KCNN1: variants seen among roughly 807,000 people sequenced by gnomAD.
The protein encoded by KCNN1 is potassium calcium-activated channel subfamily N member 1.
In KCNN1, 20 loss-of-function variants were observed where a neutral mutation model predicts 44.7. The observed-to-expected ratio is 0.45, with a 90% CI of 0.32 to 0.65. KCNN1 has a LOEUF of 0.65. Ranked by LOEUF, KCNN1 falls within the 30% of genes least tolerant of loss-of-function variation. KCNN1 has a pLI of 0.05. For synonymous variants in KCNN1, 324 were observed against 341.7 expected (o/e 0.95, Z 0.57); for missense variants, 632 against 785.3 (o/e 0.80, Z 2.33).
intron 2 of KCNN1, among the ~76,000 whole-genome samples, chr19:17,958,480 CTT>C (rs71164331): frequency 5.0e-4 from 50 of 99,548 alleles, no homozygotes; most frequent in East Asian, 7.1e-4. Context: ...GACCCTGTCT[CTT>C]TTTTTTTTTT....
At chr19:17,958,504 G>A (rs1346506019) in intron 2 of KCNN1, among the ~76,000 whole-genome samples, 1 of 34,582 alleles carries the variant, frequency 2.9e-5, no homozygotes, top group Non-Finnish European at 6.1e-5. Context: ...TTTTTTTTTT[G>A]ATACAGGGTC....
In KCNN1 at chr19:17,993,471, CA is replaced by C. The variant is rs1568460479; in HGVS notation, c.1308-17del. ...CGGGAACCTGCCTAACCCCCTCCCC[CA>C]ACCCCGTGTCCCCACAGGCTCCGGA... On this transcript the variant is annotated intron_variant, in intron 8 of 9. Coordinates refer to ENST00000684775, the MANE Select transcript of KCNN1 (RefSeq NM_001386974.1). This position sits in a 1 kb window ranked among gnomAD's most constrained non-coding sequence, Gnocchi z 4.5. 1 of 1,608,668 alleles carries C rather than the reference CA, an allele frequency of 6.2e-7. No homozygotes were observed.
At chr19:17,981,660 C>T (rs780481932) in intron 3 of KCNN1, 49 bp from the exon 4 acceptor site, 9 of 1,508,010 alleles carry the variant, frequency 6.0e-6, no homozygotes, top group East Asian at 2.4e-5. Flanking sequence ...GGGCAGGGAG[C>T]GCGGCGCGTG....
intron 7 of KCNN1, among the ~76,000 whole-genome samples, chr19:17,992,225 A>G (rs2032818912): frequency 6.6e-6 from 1 of 151,884 alleles, no homozygotes; most frequent in African/African-American, 2.4e-5. Flanking sequence ...CGGAAGGCTG[A>G]GGCAGGAGAA....
chr19:17,989,716 G>A lies in KCNN1; in HGVS notation c.1171G>A (p.Val391Ile). ...FMMDTQLTKR[V>I]KNAAANVLRE... ...GGAATTGTTCTTTTTCTGGCCCCAG[G>A]TAAAAAACGCCGCTGCTAACGTTCT... Residue 391 changes from valine (V) to isoleucine (I), a missense_variant and splice_region_variant, in exon 7 of 10, where the codon GTA becomes ATA. Val to Ile is a conservative substitution (Grantham distance 29). This residue lies in a region of KCNN1 where 237 missense variants were observed against 253.0 expected (regional missense o/e 0.94). Transcript: ENST00000684775. The A allele has an allele frequency of 6.2e-7, 1 of 1,613,264 alleles. No homozygotes were observed. Among genetic ancestry groups the A allele is most frequent in the South Asian group, 1.1e-5 (1 of 91,064 alleles).
intron 1 of KCNN1, among the ~76,000 whole-genome samples, chr19:17,973,336 A>G (rs1452480504): frequency 6.6e-6 from 1 of 152,096 alleles, no homozygotes; most frequent in East Asian, 1.9e-4. Flanking sequence ...GCTGGAGTGC[A>G]ATGGCATGAT....
At position 17,970,289 on chromosome 19, in the gene KCNN1, ATTTTTTTTTTTTTTTT is replaced by A. The variant is rs71164333; in HGVS notation, c.-82+3002_-82+3017del. Among the ~76,000 whole-genome samples the A allele has an allele frequency of 7.5e-3, 425 of 56,746 alleles. 2 individuals are homozygous for A. The highest frequency in any genetic ancestry group is 0.02 in the African/African-American group (269 of 13,480). 37.2% of individuals were successfully genotyped at this position (56,746 alleles called of 152,430 possible). A position where few individuals can be genotyped will look rare whatever the true frequency, so the allele number is the denominator to read the frequency against. On this transcript the variant is annotated intron_variant, in intron 1 of 9. Transcript: ENST00000684775. ...AGGTCACCTGACCATAGAAGGAATG[ATTTTTTTTTTTTTTTT>A]TTTTTTTTTTTTTTTTTTTTTTTTT...
At chr19:17,978,793 G>A (rs139009878) in intron 3 of KCNN1, among the ~76,000 whole-genome samples, 113 of 149,802 alleles carry the variant, frequency 7.5e-4, no homozygotes, top group African/African-American at 2.4e-3. Context: ...AGTGACTCAC[G>A]CCTGTAATCC....
In KCNN1 at chr19:17,989,748, G is replaced by A; in HGVS notation, c.1203G>A (p.Glu401=). The A allele has an allele frequency of 6.2e-7, 1 of 1,613,970 alleles. No homozygotes were observed. The highest frequency in any genetic ancestry group is 8.5e-7 in the Non-Finnish European group (1 of 1,179,886). ...VKNAAANVLR[E]TWLIYKHTRL... Reference sequence around the variant, plus strand: ...ACGCCGCTGCTAACGTTCTCAGGGAGACGTGGCTCATCTACAAACATACCA... The same window carrying A: ...ACGCCGCTGCTAACGTTCTCAGGGAAACGTGGCTCATCTACAAACATACCA... Residue 401 remains glutamate (E), a synonymous_variant, in exon 7 of 10, where the codon GAG becomes GAA. Coordinates refer to ENST00000684775, the MANE Select transcript of KCNN1 (RefSeq NM_001386974.1).
intron 1 of KCNN1, chr19:17,972,042 C>G (rs1222069720): frequency 6.6e-6 from 1 of 151,918 alleles, no homozygotes; most frequent in Non-Finnish European, 1.5e-5. Flanking sequence ...GCCATACCAC[C>G]CTGAACACTC....
rs2145973263 is a variant in KCNN1 at position 17,993,027 on chromosome 19, T to C, written c.1299-27T>C. ...TGAGGTTAAAATTGCCTTGTGATTT[T>C]TCTCCTGCTCTGCCCGGTCCTGCCA... On this transcript the variant is annotated intron_variant, in intron 7 of 9. Transcript: ENST00000684775. The surrounding 1 kb of genome is among the most constrained non-coding windows in gnomAD (Gnocchi z 4.5). The C allele has an allele frequency of 6.2e-7, 1 of 1,613,346 alleles. No individual in the cohort carries two copies. Among genetic ancestry groups the C allele is most frequent in the Non-Finnish European group, 8.5e-7 (1 of 1,179,644 alleles).
At chr19:17,966,027 T>TG (rs1568447045), upstream of KCNN1, among the ~76,000 whole-genome samples, 453 of 14,232 alleles carry the variant, frequency 0.032, 2 homozygotes, top group African/African-American at 0.053. Flanking sequence ...CTGCCTGCCT[T>TG]CCTTCCTTCC....
Position 17,975,181 on chromosome 19 carries a change from G to A in KCNN1, c.492G>A (p.Glu164=), listed in dbSNP as rs901704766. 9.3e-6 allele frequency: 15 copies of A among 1,613,206 alleles called. No homozygotes were observed. The highest frequency in any genetic ancestry group is 1.3e-5 in the Non-Finnish European group (15 of 1,179,228). The change falls in exon 3 of 10, where the codon GAG becomes GAA. Residue 164 remains glutamate, a synonymous_variant. Coordinates refer to ENST00000684775, the MANE Select transcript of KCNN1 (RefSeq NM_001386974.1). ...LGLVVLYHAR[E]IQLFMVDNGA... Reference sequence around the variant, plus strand: ...TCGTTGTCCTCTACCATGCCCGGGAGATCCAGGTCAGTGCTGAATACTGCA... The same window carrying A: ...TCGTTGTCCTCTACCATGCCCGGGAAATCCAGGTCAGTGCTGAATACTGCA...
At chr19:17,989,043 A>G (rs956817104) in intron 6 of KCNN1, among the ~76,000 whole-genome samples, 1 of 152,162 alleles carries the variant, frequency 6.6e-6, no homozygotes, top group Non-Finnish European at 1.5e-5. Context: ...AAGAGGCTTG[A>G]GCCAGACCGC....
At chr19:17,976,505 G>A (rs375810957) in intron 3 of KCNN1, among the ~76,000 whole-genome samples, 4 of 148,740 alleles carry the variant, frequency 2.7e-5, no homozygotes, top group East Asian at 4.1e-4. Flanking sequence ...CGCAACCTAC[G>A]CCTCCTGGGT....
chr19:17,975,351 T>C (rs2145929748), intron 3 of KCNN1, among the ~76,000 whole-genome samples, 164 bp downstream of exon 3: 1 of 152,312 alleles, frequency 6.6e-6, no homozygotes, highest in South Asian at 2.1e-4. Flanking sequence ...TCATTCTAGA[T>C]TTCCTTGAAA....
chr19:17,952,842 TC>T (rs1172905780), intron 1 of KCNN1, among the ~76,000 whole-genome samples: 1 of 151,368 alleles, frequency 6.6e-6, no homozygotes, highest in Non-Finnish European at 1.5e-5. Flanking sequence ...CTCCCTCCCT[TC>T]CCCCCTCCCC....
At chr19:17,963,742 G>T (rs868179792), upstream of KCNN1, among the ~76,000 whole-genome samples, 5,927 of 81,474 alleles carry the variant, frequency 0.073, 349 homozygotes, top group African/African-American at 0.22. Flanking sequence ...TTTTTTTTTT[G>T]TGAGATAGGG....
rs1469743210 is a variant in KCNN1 at position 17,993,604 on chromosome 19, C to G, written c.1377+45C>G. 2 of 1,542,314 alleles carry G rather than the reference C, an allele frequency of 1.3e-6. No homozygotes were observed. The highest frequency in any genetic ancestry group is 2.7e-5 in the African/African-American group (2 of 73,548). ...GTGGGCCAGACAGGGCAGGTGGGGC[C>G]CCGGAGCAGATGGGATGGGGCTCAG... On this transcript the variant is annotated intron_variant, in intron 9 of 9. Coordinates refer to ENST00000684775, the MANE Select transcript of KCNN1 (RefSeq NM_001386974.1). The surrounding 1 kb of genome is among the most constrained non-coding windows in gnomAD (Gnocchi z 4.5).
Sources: gnomAD v4.1 joint callset for allele counts (sites outside exome capture counted in the v4.1 genomes callset) on GRCh38, gnomAD v4.1.1 for gene constraint, gnomAD v4.1.1 regional missense constraint, Gnocchi (gnomAD v3.1) non-coding constraint, MANE v1.5 for transcripts, NCBI Gene and HGNC (gene_info 2026-07-23, HGNC 2026-07-21) for gene names.